Variants in LDLRAD2 observed in about 807,000 individuals in gnomAD.
The protein encoded by LDLRAD2 is low density lipoprotein receptor class A domain containing 2, also known as low-density lipoprotein receptor class A domain-containing protein 2.
LDLRAD2 carries 25 observed loss-of-function variants against 24.9 expected under a neutral mutation model. The observed-to-expected ratio is 1.00, with a 90% CI of 0.73 to 1.40. LDLRAD2 has a LOEUF of 1.40. Ranked by LOEUF, LDLRAD2 falls within the 40% of genes most tolerant of loss-of-function variation. LDLRAD2 has a pLI of 0.00. For missense variants in LDLRAD2, 391 were observed against 366.2 expected (o/e 1.07, Z -0.55); for synonymous variants, 182 against 166.7 (o/e 1.09, Z -0.71).
intron 4 of LDLRAD2, chr1:21,821,966 G>A: frequency 7.0e-7 from 1 of 1,424,532 alleles, no homozygotes; most frequent in East Asian, 2.5e-5. Context: ...CATCCCTAGA[G>A]GGGCTTCGGG....
intron 1 of LDLRAD2, among the ~76,000 whole-genome samples, chr1:21,812,855 AC>A: frequency 6.6e-6 from 1 of 152,228 alleles, no homozygotes; most frequent in Middle Eastern, 3.4e-3. Context: ...TTATGTTTGT[AC>A]CTTTGAGATC....
chr1:21,821,397 G>A, intron 3 of LDLRAD2, 53 bp from the exon 4 acceptor site: 7 of 1,604,048 alleles, frequency 4.4e-6, no homozygotes, highest in Non-Finnish European at 6.0e-6. Flanking sequence ...AAACACACAA[G>A]TGTCCCAGAA....
At chr1:21,821,929 G>A in intron 4 of LDLRAD2, 1 of 1,417,560 alleles carries the variant, frequency 7.1e-7, no homozygotes, top group Non-Finnish European at 9.2e-7. Context: ...GCAGTTGAGT[G>A]GCCCAGCCTT....
At chr1:21,817,777 T>C (rs2097945403) in intron 3 of LDLRAD2, among the ~76,000 whole-genome samples, 1 of 152,230 alleles carries the variant, frequency 6.6e-6, no homozygotes, top group Non-Finnish European at 1.5e-5. Flanking sequence ...TTAACTAAAG[T>C]CCACAGTTTG....
chr1:21,817,242 T>C (rs2097944854), intron 3 of LDLRAD2, among the ~76,000 whole-genome samples: 1 of 152,222 alleles, frequency 6.6e-6, no homozygotes, highest in Admixed American at 6.5e-5. Flanking sequence ...TTCTAATAAC[T>C]TCTGAACTGG....
chr1:21,824,647 G>A lies in LDLRAD2; in HGVS notation c.*2432G>A. On this transcript the variant is annotated 3_prime_UTR_variant, in exon 5 of 5. Coordinates refer to ENST00000344642, the MANE Select transcript of LDLRAD2 (RefSeq NM_001013693.3). The surrounding 1 kb of genome is among the most constrained non-coding windows in gnomAD (Gnocchi z 5.9). ...AGGAAGAGCGGGTGAGGGGACAGAA[G>A]TCCCAGATTCCCATCCTCCCCATTA... is the stretch of plus-strand genomic sequence containing the variant. 1 of 1,613,826 alleles carries A rather than the reference G, an allele frequency of 6.2e-7. No homozygotes were observed. The highest frequency in any genetic ancestry group is 8.5e-7 in the Non-Finnish European group (1 of 1,179,840).
intron 2 of LDLRAD2, 66 bp from the exon 3 acceptor site, chr1:21,815,877 C>T (rs1210404771): frequency 6.3e-7 from 1 of 1,579,548 alleles, no homozygotes; most frequent in African/African-American, 1.3e-5. Flanking sequence ...CCATGGGGGC[C>T]ACACATCCTG....
At position 21,814,383 on chromosome 1, in the gene LDLRAD2, T is replaced by A; in HGVS notation, c.86-15T>A. On this transcript the variant is annotated splice_polypyrimidine_tract_variant and intron_variant, in intron 1 of 4. Coordinates refer to ENST00000344642, the MANE Select transcript of LDLRAD2 (RefSeq NM_001013693.3). ...TCGCGCCGCGCGGCTCCAGTTTCCG[T>A]GCCTTCCGCTGCAGCCGACCTGGCG... 1.3e-6 allele frequency: 2 copies of A among 1,572,216 alleles called. No individual in the cohort carries two copies. The highest frequency in any genetic ancestry group is 1.7e-6 in the Non-Finnish European group (2 of 1,160,562).
At chr1:21,818,383 C>T (rs2097946515) in intron 3 of LDLRAD2, among the ~76,000 whole-genome samples, 1 of 152,198 alleles carries the variant, frequency 6.6e-6, no homozygotes, top group Admixed American at 6.5e-5. Context: ...CTCAGGATTT[C>T]CTTGTTTTTA....
chr1:21,818,001 G>T (rs1044013602), intron 3 of LDLRAD2, among the ~76,000 whole-genome samples: 1 of 151,922 alleles, frequency 6.6e-6, no homozygotes, highest in Non-Finnish European at 1.5e-5. Flanking sequence ...CTCAGCCTCC[G>T]GTGTAGCTGG....
intron 3 of LDLRAD2, among the ~76,000 whole-genome samples, chr1:21,820,270 T>C (rs1434557794): frequency 1.3e-5 from 2 of 151,448 alleles, no homozygotes; most frequent in South Asian, 2.1e-4. Flanking sequence ...GCGCGGTGGC[T>C]CACGCCTGTA....
At position 21,821,869 on chromosome 1, in the gene LDLRAD2, A is replaced by G. The variant is rs1198803638; in HGVS notation, c.805+258A>G. ...GTGGCCTCTGCCTCCACTGCAGCAC[A>G]GCCTGTACCACGTGCTACCCATGTC... is the stretch of plus-strand genomic sequence containing the variant. On this transcript the variant is annotated intron_variant, in intron 4 of 4. Coordinates refer to ENST00000344642, the MANE Select transcript of LDLRAD2 (RefSeq NM_001013693.3). 3.5e-6 allele frequency: 5 copies of G among 1,422,618 alleles called. 1 individual carries two copies. The highest frequency in any genetic ancestry group is 1.8e-6 in the Non-Finnish European group (2 of 1,092,416). The allele number at this position is 1,422,618 out of a possible 1,614,324, so 88.1% of individuals were successfully genotyped here. A position where few individuals can be genotyped will look rare whatever the true frequency, so the allele number is the denominator to read the frequency against.
At chr1:21,818,128 T>C (rs201564344) in intron 3 of LDLRAD2, among the ~76,000 whole-genome samples, 5,073 of 18,184 alleles carry the variant, frequency 0.28, 1,186 homozygotes, top group East Asian at 0.86. Context: ...CCACCCGCCT[T>C]GGCCTCCCAA....
chr1:21,824,246 C>T lies in LDLRAD2; in HGVS notation c.*2031C>T. The T allele has an allele frequency of 6.2e-7, 1 of 1,613,158 alleles. No homozygotes were observed. Among genetic ancestry groups the T allele is most frequent in the East Asian group, 2.2e-5 (1 of 44,870 alleles). ...CCAAGAAGTATGAGCTGGGGCAGGA[C>T]CGGGGGGTGGGGTGCTGGGACCAGG... On this transcript the variant is annotated 3_prime_UTR_variant, in exon 5 of 5. Transcript: ENST00000344642. The surrounding 1 kb of genome is among the most constrained non-coding windows in gnomAD (Gnocchi z 5.9).
chr1:21,818,273 A>G (rs979469235), intron 3 of LDLRAD2, among the ~76,000 whole-genome samples: 2 of 152,114 alleles, frequency 1.3e-5, no homozygotes, highest in Middle Eastern at 3.4e-3. Context: ...TGGCCTCCCA[A>G]AGTGCTGGGA....
At position 21,824,153 on chromosome 1, in the gene LDLRAD2, A is replaced by G. The variant is rs2097961239; in HGVS notation, c.*1938A>G. ...CTGTCACCCGGTGCCACTCGCCGTC[A>G]TTGATGGGGTCCTCAGAGACCAGGC... On this transcript the variant is annotated 3_prime_UTR_variant, in exon 5 of 5. Transcript: ENST00000344642. This position sits in a 1 kb window ranked among gnomAD's most constrained non-coding sequence, Gnocchi z 5.9. The G allele has an allele frequency of 6.2e-7, 1 of 1,613,500 alleles. No individual in the cohort carries two copies. Among genetic ancestry groups the G allele is most frequent in the African/African-American group, 1.3e-5 (1 of 74,902 alleles).
intron 4 of LDLRAD2, 43 bp from the exon 5 acceptor site, chr1:21,822,159 T>C (rs761298416): frequency 3.7e-6 from 6 of 1,613,988 alleles, no homozygotes; most frequent in Non-Finnish European, 3.4e-6. Flanking sequence ...GCCAGCTTGC[T>C]TCACCCCCAG....
intron 3 of LDLRAD2, among the ~76,000 whole-genome samples, chr1:21,819,269 AGGCTAAGGCAGGAGAATCACTTGAACCC>A (rs1296457505): frequency 1.9e-4 from 29 of 152,134 alleles, no homozygotes; most frequent in Middle Eastern, 3.4e-3. Context: ...GCTACTTGGG[AGGCTAAGGCAGGAGAATCACTTGAACCC>A]GGGAGGCATA....
intron 3 of LDLRAD2, among the ~76,000 whole-genome samples, chr1:21,819,345 C>T (rs1291454566): frequency 6.6e-6 from 1 of 151,960 alleles, no homozygotes; most frequent in Non-Finnish European, 1.5e-5. Flanking sequence ...TGCACTCCAG[C>T]TTGAGCAACA....
Sources: allele counts gnomAD v4.1 joint callset (sites outside exome capture counted in the v4.1 genomes callset), GRCh38; gene constraint gnomAD v4.1.1; non-coding constraint Gnocchi (gnomAD v3.1); transcripts MANE v1.5; gene names NCBI Gene and HGNC (gene_info 2026-07-23, HGNC 2026-07-21).